PLXDC2: variants seen among roughly 807,000 people sequenced by gnomAD.
PLXDC2 encodes plexin domain containing 2.
In PLXDC2, 40 loss-of-function variants were observed where a neutral mutation model predicts 68.9. The observed-to-expected ratio is 0.58, with a 90% CI of 0.45 to 0.76. The LOEUF (loss-of-function observed/expected upper bound fraction) is 0.76, where lower values mean the gene tolerates loss of function less well. Ranked by LOEUF, PLXDC2 falls within the 30% of genes least tolerant of loss-of-function variation. PLXDC2 has a pLI of 0.00. For missense variants in PLXDC2, 644 were observed against 661.9 expected (o/e 0.97, Z 0.30); for synonymous variants, 243 against 234.2 (o/e 1.04, Z -0.34).
intron 2 of PLXDC2, among the ~76,000 whole-genome samples, chr10:20,008,970 A>G (rs1835068677): frequency 6.6e-6 from 1 of 152,114 alleles, no homozygotes; most frequent in Non-Finnish European, 1.5e-5. Flanking sequence ...TTTATAAATT[A>G]CCCAGCCTTG....
chr10:20,217,313 C>A, intron 10 of PLXDC2, 113 bp from the exon 11 acceptor site: 2 of 893,720 alleles, frequency 2.2e-6, no homozygotes, highest in Non-Finnish European at 1.6e-6. Context: ...GTAATTTATT[C>A]CTTGTCTTGA....
At chr10:20,069,865 A>G (rs559499833) in intron 4 of PLXDC2, among the ~76,000 whole-genome samples, 1 of 152,194 alleles carries the variant, frequency 6.6e-6, no homozygotes, top group Admixed American at 6.5e-5. Flanking sequence ...GAAAAAGAAA[A>G]TACAAATGAT....
intron 2 of PLXDC2, among the ~76,000 whole-genome samples, chr10:20,013,115 C>A (rs1365052763): frequency 6.6e-6 from 1 of 152,264 alleles, no homozygotes; most frequent in East Asian, 1.9e-4. Context: ...CTATATAAAT[C>A]ATTAATATTC....
intron 10 of PLXDC2, among the ~76,000 whole-genome samples, chr10:20,214,785 G>A (rs1277349879): frequency 1.3e-5 from 2 of 152,018 alleles, no homozygotes; most frequent in Non-Finnish European, 2.9e-5. Flanking sequence ...TTAAACGTAG[G>A]GTGTTTACTG....
At chr10:20,028,121 C>A (rs1589594366) in intron 2 of PLXDC2, among the ~76,000 whole-genome samples, 1 of 152,146 alleles carries the variant, frequency 6.6e-6, no homozygotes, top group African/African-American at 2.4e-5. Flanking sequence ...CAGTGTGTTG[C>A]AATTTGGACA....
At chr10:20,107,586 A>T (rs16919864) in intron 4 of PLXDC2, among the ~76,000 whole-genome samples, 33,284 of 152,066 alleles carry the variant, frequency 0.22, 4,900 homozygotes, top group East Asian at 0.41. Context: ...AAGAGTAGTG[A>T]TTTTTACTGG....
At chr10:20,207,556 A>G (rs1005738842) in intron 9 of PLXDC2, among the ~76,000 whole-genome samples, 4 of 152,168 alleles carry the variant, frequency 2.6e-5, no homozygotes, top group African/African-American at 7.2e-5. Flanking sequence ...CTCCCAAGAA[A>G]ATGTTTTTTT....
intron 1 of PLXDC2, among the ~76,000 whole-genome samples, chr10:19,925,422 GAGGCTTT>G (rs1355939768): frequency 6.6e-6 from 1 of 152,198 alleles, no homozygotes; most frequent in African/African-American, 2.4e-5. Context: ...AGAGCATGGA[GAGGCTTT>G]TGATCTGCTT....
At chr10:19,903,931 A>G (rs1336864805) in intron 1 of PLXDC2, among the ~76,000 whole-genome samples, 1 of 151,796 alleles carries the variant, frequency 6.6e-6, no homozygotes, top group African/African-American at 2.4e-5. Context: ...TCTTAATTTC[A>G]TTGTTGACCC....
rs185896023 is a variant in PLXDC2 at position 20,222,468 on chromosome 10, T to A, written c.1312+3366T>A. Among the ~76,000 whole-genome samples, 6 of 152,334 alleles carry A rather than the reference T, an allele frequency of 3.9e-5. No individual in the cohort carries two copies. The East Asian group carries it at 1.2e-3, about 29-fold the overall frequency. On this transcript the variant is annotated intron_variant, in intron 12 of 13. Coordinates refer to ENST00000377252, the MANE Select transcript of PLXDC2 (RefSeq NM_032812.9). Reference sequence around the variant, plus strand: ...TGTGCAGTGAGTTTCCTGATACATTTATATTAGGTCCAGTTAGAGCCTCTT... The same window carrying A: ...TGTGCAGTGAGTTTCCTGATACATTAATATTAGGTCCAGTTAGAGCCTCTT...
intron 1 of PLXDC2, among the ~76,000 whole-genome samples, chr10:19,991,875 G>T (rs528423384): frequency 6.6e-6 from 1 of 152,286 alleles, no homozygotes; most frequent in East Asian, 1.9e-4. Context: ...CCATAGTGAG[G>T]TATTGGCCAT....
intron 1 of PLXDC2, among the ~76,000 whole-genome samples, chr10:19,828,061 C>T (rs180831827): frequency 5.9e-5 from 9 of 152,288 alleles, no homozygotes; most frequent in African/African-American, 1.9e-4. Flanking sequence ...TAATACCTGG[C>T]TTCTTAGGAA....
At chr10:20,220,314 A>G (rs1835192504) in intron 12 of PLXDC2, among the ~76,000 whole-genome samples, 1 of 152,202 alleles carries the variant, frequency 6.6e-6, no homozygotes, top group Non-Finnish European at 1.5e-5. Flanking sequence ...GCATATGGAC[A>G]TAAGCCCTAT....
chr10:19,890,223 A>C (rs547581917), intron 1 of PLXDC2, among the ~76,000 whole-genome samples: 1 of 152,064 alleles, frequency 6.6e-6, no homozygotes, highest in South Asian at 2.1e-4. Flanking sequence ...TTGTTAATTA[A>C]TTTTTTAAAA....
At chr10:19,904,971 T>A (rs1166802066) in intron 1 of PLXDC2, among the ~76,000 whole-genome samples, 1 of 152,196 alleles carries the variant, frequency 6.6e-6, no homozygotes. Context: ...CCCTCCACAA[T>A]GTGTGCTAGC....
chr10:20,262,592 C>A (rs930811201), intron 13 of PLXDC2, among the ~76,000 whole-genome samples: 2 of 152,202 alleles, frequency 1.3e-5, no homozygotes, highest in African/African-American at 4.8e-5. Flanking sequence ...CCCAGCAAAG[C>A]ACAGCTGCTC....
chr10:19,826,391 A>G (rs1836569834), intron 1 of PLXDC2, among the ~76,000 whole-genome samples: 1 of 152,206 alleles, frequency 6.6e-6, no homozygotes, highest in African/African-American at 2.4e-5. Flanking sequence ...TTGAACTAAG[A>G]GACATACCAC....
At chr10:20,033,192 A>G (rs1450677156) in intron 2 of PLXDC2, among the ~76,000 whole-genome samples, 1 of 145,808 alleles carries the variant, frequency 6.9e-6, no homozygotes, top group Admixed American at 6.6e-5. Context: ...TAAAAAATAT[A>G]TAAAAAAATA....
chr10:20,272,557 G>A (rs1835953535), intron 13 of PLXDC2, among the ~76,000 whole-genome samples: 1 of 152,178 alleles, frequency 6.6e-6, no homozygotes, highest in African/African-American at 2.4e-5. Context: ...CACACTTATT[G>A]TGAATCTCCC....
Sources: gnomAD v4.1 joint callset for allele counts (sites outside exome capture counted in the v4.1 genomes callset) on GRCh38, gnomAD v4.1.1 for gene constraint, MANE v1.5 for transcripts, NCBI Gene and HGNC (gene_info 2026-07-23, HGNC 2026-07-21) for gene names.